The following TNFRSF10A variants were observed in gnomAD, a reference collection of about 807,000 sequenced individuals.
TNFRSF10A encodes the protein tumor necrosis factor receptor superfamily member 10A.
Under a neutral mutation model 42.8 loss-of-function variants are expected in TNFRSF10A, and 44 were observed. That is an observed-to-expected ratio of 1.03 (90% CI 0.81 to 1.32). The LOEUF (loss-of-function observed/expected upper bound fraction) is 1.32, where lower values mean the gene tolerates loss of function less well. TNFRSF10A is among the 40% of genes most tolerant of loss of function. The pLI, the probability that TNFRSF10A is intolerant of heterozygous loss-of-function variation, is 0.00. For synonymous variants in TNFRSF10A, 259 were observed against 234.2 expected, an observed-to-expected ratio of 1.11 and a Z score of -0.97; for missense variants, 680 against 602.0, an observed-to-expected ratio of 1.13 and a Z score of -1.36.
At position 23,219,393 on chromosome 8, in the gene TNFRSF10A, T is replaced by G. The variant is rs1483996814; in HGVS notation, c.306+5363A>C. ...CCCCGAAGAGTCCTGTGGACTCTGC[T>G]AAGGAACCCTAGGAGCTCCCAGAGG... On this transcript the variant is annotated intron_variant, in intron 1 of 9. Transcript: ENST00000221132. Among the ~76,000 whole-genome samples, 4 of 135,504 alleles carry G rather than the reference T, an allele frequency of 3.0e-5. 2 individuals carry two copies. 88.9% of individuals were successfully genotyped at this position (135,504 alleles called of 152,430 possible). A position where few individuals can be genotyped will look rare whatever the true frequency, so the allele number is the denominator to read the frequency against.
At chr8:23,203,176 C>T (rs1800958780) in intron 2 of TNFRSF10A, among the ~76,000 whole-genome samples, 2 of 152,176 alleles carry the variant, frequency 1.3e-5, no homozygotes, top group South Asian at 4.1e-4. Flanking sequence ...CATCTCAATT[C>T]AAAGTGGCTG....
chr8:23,225,099 T>C lies in TNFRSF10A; in HGVS notation c.-38A>G. On this transcript the variant is annotated 5_prime_UTR_variant, in exon 1 of 10. Coordinates refer to ENST00000221132, the MANE Select transcript of TNFRSF10A (RefSeq NM_003844.4). ...ATCCAAGAAGCAGCGTGCTTGGCTATGACAAGACAGAACTTCGCATTCGGA... is the reference window on the plus strand; with the variant it reads ...ATCCAAGAAGCAGCGTGCTTGGCTACGACAAGACAGAACTTCGCATTCGGA... 1.4e-6 allele frequency: 2 copies of C among 1,465,618 alleles called. No individual in the cohort carries two copies. Among genetic ancestry groups the C allele is most frequent in the Non-Finnish European group, 1.8e-6 (2 of 1,111,754 alleles). 90.8% of individuals were successfully genotyped at this position (1,465,618 alleles called of 1,614,324 possible).
intron 1 of TNFRSF10A, among the ~76,000 whole-genome samples, chr8:23,217,687 G>A (rs549196366): frequency 5.3e-5 from 8 of 152,146 alleles, no homozygotes; most frequent in South Asian, 4.1e-4. Flanking sequence ...GGCTGAGGAC[G>A]TCACATCTGC....
intron 1 of TNFRSF10A, 39 bp from the exon 2 acceptor site, chr8:23,212,251 A>G: frequency 6.5e-7 from 1 of 1,547,340 alleles, no homozygotes; most frequent in Non-Finnish European, 8.9e-7. Context: ...AGTGGCTTCC[A>G]GATCTCACCC....
chr8:23,203,375 G>A (rs1002344509), intron 2 of TNFRSF10A, among the ~76,000 whole-genome samples: 2 of 152,176 alleles, frequency 1.3e-5, no homozygotes, highest in Admixed American at 1.3e-4. Flanking sequence ...ACCTGCCATG[G>A]GAGGAAAATG....
intron 2 of TNFRSF10A, among the ~76,000 whole-genome samples, chr8:23,203,781 C>CTT (rs373965763): frequency 1.8e-4 from 24 of 136,538 alleles, no homozygotes; most frequent in Non-Finnish European, 3.0e-4. Flanking sequence ...ATAATAAAGG[C>CTT]TTTTTTTTTT....
In TNFRSF10A at chr8:23,199,291, G is replaced by T. The variant is rs762970156; in HGVS notation, c.989C>A (p.Ser330Tyr). 6.2e-7 allele frequency: 1 copy of T among 1,614,142 alleles called. No homozygotes were observed. The change falls in exon 8 of 10, where the codon TCC becomes TAC. Residue 330 changes from serine to tyrosine, a missense_variant. Physicochemically the swap from Ser to Tyr is moderately radical, Grantham distance 144 (BLOSUM62 -2). Coordinates refer to ENST00000221132, the MANE Select transcript of TNFRSF10A (RefSeq NM_003844.4). Reference sequence around the variant, plus strand: ...CAGCAGACACTGTGCCTCCCCTGGGGACTGTACAGTGACACCTGTCAAATC... The same window carrying T: ...CAGCAGACACTGTGCCTCCCCTGGGTACTGTACAGTGACACCTGTCAAATC... ...PADLTGVTVQ[S>Y]PGEAQCLLGP...
intron 2 of TNFRSF10A, among the ~76,000 whole-genome samples, chr8:23,208,123 T>C (rs921591742): frequency 6.6e-6 from 1 of 152,078 alleles, no homozygotes; most frequent in Non-Finnish European, 1.5e-5. Context: ...ATATGGACAA[T>C]AAAGTCCAGG....
rs1585277247 is a variant in TNFRSF10A, at chr8:23,191,437, T to C, written c.*257A>G. The C allele has an allele frequency of 1.8e-6, 1 of 565,062 alleles. No homozygotes were observed. Among genetic ancestry groups the C allele is most frequent in the Non-Finnish European group, 3.1e-6 (1 of 326,082 alleles). The allele number at this position is 565,062 out of a possible 1,614,324, so 35.0% of individuals were successfully genotyped here. A position where few individuals can be genotyped will look rare whatever the true frequency, so the allele number is the denominator to read the frequency against. On this transcript the variant is annotated 3_prime_UTR_variant, in exon 10 of 10. Coordinates refer to ENST00000221132, the MANE Select transcript of TNFRSF10A (RefSeq NM_003844.4). ...CCTCAGCCTCCCGAGTAGCCGAGAA[T>C]ATATGCACACACCATCACATCCAGT... is the stretch of plus-strand genomic sequence containing the variant.
At chr8:23,218,285 G>C (rs932629900) in intron 1 of TNFRSF10A, among the ~76,000 whole-genome samples, 32 of 152,102 alleles carry the variant, frequency 2.1e-4, no homozygotes, top group African/African-American at 7.7e-4. Context: ...CATTCACCAG[G>C]GGGTTTCCTT....
intron 1 of TNFRSF10A, among the ~76,000 whole-genome samples, chr8:23,217,240 G>A (rs1025634663): frequency 4.6e-5 from 7 of 151,204 alleles, no homozygotes; most frequent in South Asian, 2.1e-4. Flanking sequence ...TTTTTGAGAC[G>A]GAGTCTTGCT....
At chr8:23,216,482 G>A (rs139807147) in intron 1 of TNFRSF10A, among the ~76,000 whole-genome samples, 2,555 of 152,092 alleles carry the variant, frequency 0.017, 67 homozygotes, top group African/African-American at 0.057. Context: ...GGTGGCTCAC[G>A]CCTGTAATCC....
At chr8:23,192,385 G>A (rs919977719) in intron 9 of TNFRSF10A, among the ~76,000 whole-genome samples, 8 of 152,242 alleles carry the variant, frequency 5.3e-5, no homozygotes, top group East Asian at 3.8e-4. Context: ...CCTGGGCTGC[G>A]CTTGTCATGG....
chr8:23,213,098 ATTTC>A (rs1801113224), intron 1 of TNFRSF10A, among the ~76,000 whole-genome samples: 2 of 152,106 alleles, frequency 1.3e-5, no homozygotes, highest in Non-Finnish European at 2.9e-5. Context: ...CAAAATCTCT[ATTTC>A]TTCATGATTG....
At chr8:23,197,619 A>G (rs1388500179) in intron 8 of TNFRSF10A, among the ~76,000 whole-genome samples, 1 of 152,164 alleles carries the variant, frequency 6.6e-6, no homozygotes, top group Non-Finnish European at 1.5e-5. Context: ...TAATTATTTC[A>G]TTATATATTA....
intron 9 of TNFRSF10A, among the ~76,000 whole-genome samples, chr8:23,194,201 C>T (rs1800793365): frequency 6.6e-6 from 1 of 152,070 alleles, no homozygotes; most frequent in Non-Finnish European, 1.5e-5. Flanking sequence ...TTTGTGTGTG[C>T]ATATAGGTCT....
At chr8:23,207,059 G>A (rs542253595) in intron 2 of TNFRSF10A, 41 of 478,028 alleles carry the variant, frequency 8.6e-5, no homozygotes, top group Admixed American at 4.6e-4. Flanking sequence ...ACCTTCCGGT[G>A]GCCCAAGATA....
intron 1 of TNFRSF10A, among the ~76,000 whole-genome samples, chr8:23,212,963 T>C (rs534625468): frequency 1.1e-4 from 17 of 152,350 alleles, no homozygotes; most frequent in African/African-American, 4.1e-4. Flanking sequence ...CTTGGAAGAA[T>C]TTGAGAATTC....
chr8:23,224,958 C>T lies in TNFRSF10A; in HGVS notation c.104G>A (p.Ser35Asn). ...CCCCGCGGAAGAGCCCCACACTTTG[C>T]TGGGTGTGGCCGCGGCTGCCTCTGT... is the stretch of plus-strand genomic sequence containing the variant. ...SGTEAAAATP[S>N]KVWGSSAGRI... Residue 35 changes from serine to asparagine, a missense_variant, in exon 1 of 10, where the codon AGC becomes AAC. By Grantham distance (46) the Ser-to-Asn change is conservative. Transcript: ENST00000221132. 1 of 1,599,826 alleles carries T rather than the reference C, an allele frequency of 6.3e-7. No homozygotes were observed. The highest frequency in any genetic ancestry group is 8.5e-7 in the Non-Finnish European group (1 of 1,173,208).
Sources: allele counts gnomAD v4.1 joint callset (sites outside exome capture counted in the v4.1 genomes callset), GRCh38; gene constraint gnomAD v4.1.1; transcripts MANE v1.5; gene names NCBI Gene and HGNC (gene_info 2026-07-23, HGNC 2026-07-21).